SAE1: variants seen among roughly 807,000 people sequenced by gnomAD.
The protein encoded by SAE1 is SUMO-activating enzyme subunit 1.
In SAE1, 11 loss-of-function variants were observed where a neutral mutation model predicts 40.6. That is an observed-to-expected ratio of 0.27 (90% confidence interval 0.17 to 0.45). The LOEUF is 0.45. Ranked by LOEUF, SAE1 falls within the 20% of genes least tolerant of loss-of-function variation. The pLI is 1.00. For synonymous variants in SAE1, 155 were observed against 154.3 expected (o/e 1.00, Z -0.03); for missense variants, 373 against 427.3 (o/e 0.87, Z 1.12).
intron 6 of SAE1, among the ~76,000 whole-genome samples, chr19:47,184,298 GT>G: frequency 6.6e-6 from 1 of 152,266 alleles, no homozygotes; most frequent in Admixed American, 6.5e-5. Flanking sequence ...TAAGAATGTG[GT>G]GACTTTTAAA....
At chr19:47,152,074 C>T (rs1352742917) in intron 3 of SAE1, among the ~76,000 whole-genome samples, 1 of 152,202 alleles carries the variant, frequency 6.6e-6, no homozygotes, top group African/African-American at 2.4e-5. Flanking sequence ...TTTCGGTATT[C>T]AGGCTGCTAG....
chr19:47,133,606 C>A (rs1296367564), intron 1 of SAE1, among the ~76,000 whole-genome samples: 3 of 152,120 alleles, frequency 2.0e-5, no homozygotes, highest in Non-Finnish European at 2.9e-5. Flanking sequence ...TGGACTGTTG[C>A]AGTAATCCAG....
intron 6 of SAE1, among the ~76,000 whole-genome samples, chr19:47,186,358 C>T (rs1482361472): frequency 6.6e-6 from 1 of 152,092 alleles, no homozygotes; most frequent in East Asian, 1.9e-4. Context: ...TCTGAAAATA[C>T]CCAAAATTCA....
intron 1 of SAE1, among the ~76,000 whole-genome samples, chr19:47,131,696 T>C (rs1000962368): frequency 7.4e-6 from 1 of 136,000 alleles, no homozygotes; most frequent in Non-Finnish European, 1.6e-5. Context: ...CTTAGGGAAT[T>C]CTTTTTTTTT....
chr19:47,164,021 G>A lies in SAE1; in HGVS notation c.628-5797G>A, dbSNP rs1000410668. ...TGACCTCAGGTGATCCGCCCACATC[G>A]GCCTCCCAAAGTTTTGGGATTACAG... On this transcript the variant is annotated intron_variant, in intron 5 of 8. Coordinates refer to ENST00000270225, the MANE Select transcript of SAE1 (RefSeq NM_005500.3). Among the ~76,000 whole-genome samples the A allele has an allele frequency of 2.0e-5, 3 of 152,028 alleles. No homozygotes were observed. The East Asian group carries it at 5.8e-4, about 29-fold the overall frequency.
intron 3 of SAE1, among the ~76,000 whole-genome samples, chr19:47,151,224 AT>A (rs1472484846): frequency 2.0e-5 from 3 of 151,236 alleles, no homozygotes; most frequent in African/African-American, 7.3e-5. Context: ...ATCTTGGCTC[AT>A]GGCAACCTCT....
chr19:47,154,656 G>A (rs866883947), intron 4 of SAE1, among the ~76,000 whole-genome samples: 1 of 151,340 alleles, frequency 6.6e-6, no homozygotes, highest in Non-Finnish European at 1.5e-5. Flanking sequence ...CACCACGCCC[G>A]GCTAGTTTTT....
At chr19:47,160,832 C>T (rs991541359) in intron 5 of SAE1, among the ~76,000 whole-genome samples, 1 of 152,066 alleles carries the variant, frequency 6.6e-6, no homozygotes, top group Non-Finnish European at 1.5e-5. Context: ...CCTGGCCAAT[C>T]CTGCTAATTA....
intron 6 of SAE1, among the ~76,000 whole-genome samples, chr19:47,176,088 T>C (rs953000505): frequency 2.0e-5 from 3 of 152,244 alleles, no homozygotes; most frequent in Non-Finnish European, 4.4e-5. Context: ...TTAACAATTA[T>C]AATCATTTGT....
At chr19:47,208,405 A>G (rs975634788) in intron 8 of SAE1, among the ~76,000 whole-genome samples, 4 of 150,474 alleles carry the variant, frequency 2.7e-5, no homozygotes, top group African/African-American at 9.8e-5. Flanking sequence ...CACCTTGGGC[A>G]TGCATCACCA....
chr19:47,205,401 C>T (rs2058680890), intron 8 of SAE1, among the ~76,000 whole-genome samples: 1 of 145,682 alleles, frequency 6.9e-6, no homozygotes, highest in African/African-American at 2.5e-5. Flanking sequence ...TAACTTTCTT[C>T]TATGTAATGG....
In SAE1 at chr19:47,209,171, C is replaced by G. The variant is rs1372970285; in HGVS notation, c.961C>G (p.Arg321Gly). The G allele has an allele frequency of 5.0e-6, 8 of 1,613,888 alleles. No homozygotes were observed. Among genetic ancestry groups the G allele is most frequent in the Admixed American group, 1.7e-5 (1 of 59,984 alleles). Residue 321 changes from arginine to glycine, a missense_variant, in exon 9 of 9, where the codon CGG (arginine) becomes GGG (glycine). By Grantham distance (125) the Arg-to-Gly change is moderately radical. This residue lies in a region of SAE1 where 351 missense variants were observed against 390.6 expected (regional missense o/e 0.90). Coordinates refer to ENST00000270225, the MANE Select transcript of SAE1 (RefSeq NM_005500.3). ...AQEIVKALSQ[R>G]DPPHNNFFFF... ...TTTTTCTCCCCAGGCCCTGTCTCAG[C>G]GGGACCCTCCTCACAACAACTTCTT...
intron 1 of SAE1, among the ~76,000 whole-genome samples, chr19:47,139,364 T>G (rs1482286678): frequency 6.6e-6 from 1 of 151,850 alleles, no homozygotes; most frequent in Non-Finnish European, 1.5e-5. Context: ...TTTTTTTTGT[T>G]TTGTACAGAT....
intron 6 of SAE1, among the ~76,000 whole-genome samples, chr19:47,179,091 C>G (rs1010194070): frequency 6.6e-6 from 1 of 150,496 alleles, no homozygotes; most frequent in Non-Finnish European, 1.5e-5. Flanking sequence ...ACTTGGGAGG[C>G]TGAGGCAGGA....
intron 7 of SAE1, among the ~76,000 whole-genome samples, chr19:47,198,758 T>A (rs1274957853): frequency 6.6e-6 from 1 of 152,172 alleles, no homozygotes; most frequent in Non-Finnish European, 1.5e-5. Flanking sequence ...GGGCCAGCAG[T>A]GGTCTTTGAA....
intron 5 of SAE1, 95 bp downstream of exon 5, chr19:47,155,308 A>G: frequency 1.2e-6 from 1 of 837,838 alleles, no homozygotes; most frequent in East Asian, 2.5e-5. Context: ...CACTTCTTGA[A>G]GGGGTGGGGC....
At chr19:47,148,942 A>G (rs978149723) in intron 2 of SAE1, among the ~76,000 whole-genome samples, 1 of 151,434 alleles carries the variant, frequency 6.6e-6, no homozygotes, top group Non-Finnish European at 1.5e-5. Context: ...TTAAAAGTTC[A>G]TTTCAAGCAT....
chr19:47,196,333 C>CTTTTTTTT (rs61498882), intron 6 of SAE1, among the ~76,000 whole-genome samples: 2 of 27,888 alleles, frequency 7.2e-5, no homozygotes, highest in East Asian at 1.6e-3. Flanking sequence ...CCGCGCCTGG[C>CTTTTTTTT]TTTTTTTTTT....
chr19:47,160,215 T>TG (rs2058350647), intron 5 of SAE1, among the ~76,000 whole-genome samples: 1 of 21,014 alleles, frequency 4.8e-5, no homozygotes, highest in Non-Finnish European at 9.7e-5. Flanking sequence ...AAATCCTGCA[T>TG]TTTTTTTTTT....
Sources: gnomAD v4.1 joint callset for allele counts (sites outside exome capture counted in the v4.1 genomes callset) on GRCh38, gnomAD v4.1.1 for gene constraint, gnomAD v4.1.1 regional missense constraint, MANE v1.5 for transcripts, NCBI Gene and HGNC (gene_info 2026-07-23, HGNC 2026-07-21) for gene names.